The following SMYD3 variants were observed in gnomAD, a reference collection of about 807,000 sequenced individuals.
SMYD3 encodes SET and MYND domain containing 3.
In SMYD3, 36 loss-of-function variants were observed where a neutral mutation model predicts 57.7. The observed-to-expected ratio is 0.62, with a 90% CI of 0.48 to 0.82. The LOEUF is 0.82. SMYD3 is among the 40% of genes least tolerant of loss of function. SMYD3 has a pLI of 0.00. For synonymous variants in SMYD3, 211 were observed against 195.0 expected (o/e 1.08, Z -0.68); for missense variants, 515 against 538.8 (o/e 0.96, Z 0.44).
intron 10 of SMYD3, among the ~76,000 whole-genome samples, chr1:245,804,608 GA>G (rs1302861837): frequency 6.6e-6 from 1 of 152,194 alleles, no homozygotes; most frequent in Non-Finnish European, 1.5e-5. Context: ...GTGGTAGTAA[GA>G]GTGGGGCCTT....
At chr1:245,936,362 TA>T (rs1465087033) in intron 5 of SMYD3, among the ~76,000 whole-genome samples, 20 of 81,102 alleles carry the variant, frequency 2.5e-4, no homozygotes, top group Admixed American at 6.3e-4. Flanking sequence ...TACGTAATCT[TA>T]TTTTTTTTTT....
At chr1:246,489,068 C>T (rs1052911575) in intron 1 of SMYD3, among the ~76,000 whole-genome samples, 3 of 152,132 alleles carry the variant, frequency 2.0e-5, no homozygotes, top group East Asian at 1.9e-4. Context: ...CAATGCAGGC[C>T]GGGCGCGGTG....
At chr1:246,084,046 T>C (rs923577044) in intron 5 of SMYD3, among the ~76,000 whole-genome samples, 9 of 152,198 alleles carry the variant, frequency 5.9e-5, no homozygotes, top group African/African-American at 9.7e-5. Context: ...GGCTTACTAC[T>C]TATTATCTAT....
intron 5 of SMYD3, among the ~76,000 whole-genome samples, chr1:246,278,211 C>T (rs1334096321): frequency 6.6e-6 from 1 of 150,918 alleles, no homozygotes; most frequent in East Asian, 1.9e-4. Context: ...TCATGTATGT[C>T]GATGTCCCTT....
chr1:245,862,419 T>C lies in SMYD3; in HGVS notation c.901+1380A>G, dbSNP rs555600881. Among the ~76,000 whole-genome samples the C allele has an allele frequency of 3.3e-5, 5 of 152,354 alleles. No individual in the cohort carries two copies. In the South Asian group the frequency reaches 6.2e-4, roughly 19 times the overall value. On this transcript the variant is annotated intron_variant, in intron 9 of 11. Transcript: ENST00000490107. ...ACATATTTGAACTTTTTGATCCGAA[T>C]AGAAATTTTATATATGTTCTTGTTA...
At chr1:246,316,878 C>T (rs1406456748) in intron 5 of SMYD3, among the ~76,000 whole-genome samples, 1 of 150,752 alleles carries the variant, frequency 6.6e-6, no homozygotes, top group African/African-American at 2.4e-5. Context: ...GCCTGTAGTC[C>T]CAGATACTCG....
At position 246,354,683 on chromosome 1, in the gene SMYD3, A is replaced by T. The variant is rs116120398; in HGVS notation, c.228+348T>A. 2.4e-3 allele frequency among the ~76,000 whole-genome samples: 364 copies of T among 152,258 alleles called. 1 individual carries two copies. The highest frequency in any genetic ancestry group is 4.2e-3 in the Non-Finnish European group (288 of 68,014). On this transcript the variant is annotated intron_variant, in intron 2 of 11. Transcript: ENST00000490107. ...TTTTAAACATAGGATGTAGATACAC[A>T]AATATGTCTGCACAAGCAAATGCTG...
At chr1:245,832,130 A>G (rs1449747611) in intron 10 of SMYD3, among the ~76,000 whole-genome samples, 1 of 152,142 alleles carries the variant, frequency 6.6e-6, no homozygotes, top group Non-Finnish European at 1.5e-5. Flanking sequence ...TGTCTCATCT[A>G]ACCTAAAGCC....
intron 8 of SMYD3, among the ~76,000 whole-genome samples, chr1:245,876,436 C>T (rs2052489723): frequency 6.6e-6 from 1 of 152,212 alleles, no homozygotes; most frequent in Non-Finnish European, 1.5e-5. Context: ...GTGGCCTTTG[C>T]CGCCTCAGCC....
At chr1:245,896,891 CAGA>C (rs34106327) in intron 8 of SMYD3, among the ~76,000 whole-genome samples, 144,457 of 152,128 alleles carry the variant, frequency 0.95, 69,011 homozygotes, top group East Asian at 1. Flanking sequence ...GGGAAGAGCA[CAGA>C]AGGAGTGAAA....
At chr1:246,334,326 C>G (rs2065507305) in intron 3 of SMYD3, among the ~76,000 whole-genome samples, 1 of 152,116 alleles carries the variant, frequency 6.6e-6, no homozygotes, top group African/African-American at 2.4e-5. Flanking sequence ...CCATTAACAG[C>G]ACAATGGATA....
intron 5 of SMYD3, among the ~76,000 whole-genome samples, chr1:246,310,956 C>A (rs2065067024): frequency 6.6e-6 from 1 of 152,074 alleles, no homozygotes; most frequent in African/African-American, 2.4e-5. Flanking sequence ...GCGTGACCCA[C>A]CACACCTGGC....
intron 10 of SMYD3, among the ~76,000 whole-genome samples, chr1:245,774,118 T>C (rs937398024): frequency 6.6e-6 from 1 of 152,136 alleles, no homozygotes; most frequent in African/African-American, 2.4e-5. Context: ...TAGGAAGGCA[T>C]TGTCAGGCCA....
At chr1:245,814,527 A>C (rs1215357338) in intron 10 of SMYD3, 2 of 413,526 alleles carry the variant, frequency 4.8e-6, no homozygotes, top group African/African-American at 2.2e-5. Flanking sequence ...TTGCCCTTCT[A>C]GTACTGACTA....
At chr1:245,982,649 C>T (rs144993240) in intron 5 of SMYD3, among the ~76,000 whole-genome samples, 5 of 152,230 alleles carry the variant, frequency 3.3e-5, no homozygotes, top group Non-Finnish European at 7.4e-5. Context: ...GTATTTAATT[C>T]ATATTCCCAA....
chr1:245,919,575 G>C (rs1485217247), intron 7 of SMYD3, among the ~76,000 whole-genome samples: 2 of 152,134 alleles, frequency 1.3e-5, no homozygotes, highest in African/African-American at 4.8e-5. Flanking sequence ...ATTGTGAAGT[G>C]CTTAATGGCA....
chr1:245,967,346 A>G (rs988691895), intron 5 of SMYD3, among the ~76,000 whole-genome samples: 2 of 152,226 alleles, frequency 1.3e-5, no homozygotes, highest in Non-Finnish European at 2.9e-5. Flanking sequence ...GATAAGTTGA[A>G]AAGAAGTTCA....
At chr1:245,845,977 T>C (rs1448403220) in intron 10 of SMYD3, among the ~76,000 whole-genome samples, 1 of 152,170 alleles carries the variant, frequency 6.6e-6, no homozygotes, top group Non-Finnish European at 1.5e-5. Context: ...CCAGGCAGGG[T>C]TGGGTGTGAG....
In SMYD3 at chr1:246,061,376, A is replaced by G. The variant is rs577373537; in HGVS notation, c.532-131439T>C. ...AATGTGCTGATAGAGTTTCTTTAGG[A>G]TCAAATGCGTGGTAGGGAAATCCAC... On this transcript the variant is annotated intron_variant, in intron 5 of 11. Coordinates refer to ENST00000490107, the MANE Select transcript of SMYD3 (RefSeq NM_001167740.2). Among the ~76,000 whole-genome samples, 23 of 152,258 alleles carry G rather than the reference A, an allele frequency of 1.5e-4. 1 individual carries two copies. In the South Asian group the frequency reaches 4.4e-3, roughly 29 times the overall value.
Sources: gnomAD v4.1 joint callset for allele counts (sites outside exome capture counted in the v4.1 genomes callset) on GRCh38, gnomAD v4.1.1 for gene constraint, MANE v1.5 for transcripts, NCBI Gene and HGNC (gene_info 2026-07-23, HGNC 2026-07-21) for gene names.